Variants in C1QTNF12 observed in about 807,000 individuals in gnomAD.
The protein encoded by C1QTNF12 is C1q and TNF related 12.
Under a neutral mutation model 34.3 loss-of-function variants are expected in C1QTNF12, and 39 were observed. The observed-to-expected ratio is 1.14, with a 90% confidence interval of 0.88 to 1.49. The LOEUF is 1.49. C1QTNF12 is among the 40% of genes most tolerant of loss of function. C1QTNF12 has a pLI of 0.00. For missense variants in C1QTNF12, 497 were observed against 424.7 expected (o/e 1.17, Z -1.50); for synonymous variants, 220 against 196.9 (o/e 1.12, Z -0.98).
rs138029057 is a variant in C1QTNF12 at position 1,244,228 on chromosome 1, C to T, written c.342G>A (p.Ala114=). The change falls in exon 3 of 8, where the codon GCG becomes GCA. Residue 114 remains alanine, a synonymous_variant. Transcript: ENST00000330388. ...CCTGAAACTCGTGAAGCAGAGTCTC[C>T]GCGGTCACTTCTGCACCTGGAGGTC... ...PPGPPGAEVT[A]ETLLHEFQEL... is the part of the protein sequence containing the mutation. 1.9e-6 allele frequency: 3 copies of T among 1,597,684 alleles called. No individual in the cohort carries two copies. The highest frequency in any genetic ancestry group is 2.6e-6 in the Non-Finnish European group (3 of 1,172,282).
At chr1:1,243,328 G>T in intron 5 of C1QTNF12, 116 bp downstream of exon 5, 3 of 1,101,546 alleles carry the variant, frequency 2.7e-6, no homozygotes, top group Non-Finnish European at 3.9e-6. Context: ...GGCCCCCCAT[G>T]GGGCAGGGGA....
upstream of C1QTNF12, among the ~76,000 whole-genome samples, chr1:1,246,952 C>T (rs990489074): frequency 2.0e-4 from 31 of 152,144 alleles, no homozygotes; most frequent in Non-Finnish European, 4.0e-4. This position sits in a 1 kb window ranked among gnomAD's most constrained non-coding sequence, Gnocchi z 4.5. Context: ...CCCCTCGCCT[C>T]CTCCTCCCCA....
intron 5 of C1QTNF12, 120 bp from the exon 6 acceptor site, chr1:1,243,272 G>C: frequency 2.0e-6 from 2 of 1,004,428 alleles, no homozygotes; most frequent in Non-Finnish European, 2.9e-6. Flanking sequence ...CTGGGGAGGG[G>C]GCGCCTGAGG....
chr1:1,244,469 G>T lies in C1QTNF12; in HGVS notation c.206C>A (p.Ser69Tyr), dbSNP rs1480740447. The T allele has an allele frequency of 6.2e-7, 1 of 1,611,748 alleles. No homozygotes were observed. Among genetic ancestry groups the T allele is most frequent in the African/African-American group, 1.3e-5 (1 of 74,856 alleles). ...KPSQASGPEF[S>Y]DAHMTWLNFV... ...GTTCAGCCATGTCATGTGGGCGTCG[G>T]AGAACTCAGGTCCTGAGGCCTGGGA... is the stretch of plus-strand genomic sequence containing the variant. Residue 69 changes from serine to tyrosine, a missense_variant, in exon 2 of 8, where the codon TCC becomes TAC. Coordinates refer to ENST00000330388, the MANE Select transcript of C1QTNF12 (RefSeq NM_001014980.3).
At position 1,246,595 on chromosome 1, in the gene C1QTNF12, C is replaced by A. The variant is rs375320865; in HGVS notation, c.96G>T (p.Thr32=). ...GATCTGCGCGCTGGCCAGGCTGCTG[C>A]GTCCTCTGTGCCTCCCGCCGGGCCC... The part of the protein sequence containing the change: ...GVGARREAQR[T]QQPGQRADPP... The change falls in exon 1 of 8, where the codon ACG becomes ACT. Residue 32 remains threonine, a synonymous_variant. Coordinates refer to ENST00000330388, the MANE Select transcript of C1QTNF12 (RefSeq NM_001014980.3). The surrounding 1 kb of genome is among the most constrained non-coding windows in gnomAD (Gnocchi z 4.5). The A allele has an allele frequency of 4.8e-6, 6 of 1,248,384 alleles. No individual in the cohort carries two copies. In the Admixed American group the frequency reaches 1.2e-4, roughly 26 times the overall value. 77.3% of individuals were successfully genotyped at this position (1,248,384 alleles called of 1,614,324 possible).
chr1:1,244,042 CGCAGGCCCGCCCCCTGGGGCAGCA>C lies in C1QTNF12; in HGVS notation c.419_442del (p.Leu140_Leu147del). 6.3e-7 allele frequency: 1 copy of C among 1,598,736 alleles called. No individual in the cohort carries two copies. The highest frequency in any genetic ancestry group is 1.1e-5 in the South Asian group (1 of 89,292). On this transcript the variant is annotated inframe_deletion, in exon 4 of 8. Coordinates refer to ENST00000330388, the MANE Select transcript of C1QTNF12 (RefSeq NM_001014980.3). The stretch of plus-strand genomic sequence containing the variant: ...GCAGTGAAAGGCCTCGCCCACCAGC[CGCAGGCCCGCCCCCTGGGGCAGCA>C]GCGGGTCCAGAAGCCCTGAGAACCG...
At position 1,242,538 on chromosome 1, in the gene C1QTNF12, CT is replaced by C. The variant is rs3835300; in HGVS notation, c.*9del. 0.07 allele frequency: 109,331 copies of C among 1,553,722 alleles called. 4,383 individuals are homozygous for C. The highest frequency in any genetic ancestry group is 0.17 in the East Asian group (7,152 of 41,476). ...CGGCGGCAGCTCCTCGCCAGCCCCC[CT>C]GGGCGCCCTCACGTGCCCAGGAGCA... On this transcript the variant is annotated 3_prime_UTR_variant, in exon 8 of 8. Coordinates refer to ENST00000330388, the MANE Select transcript of C1QTNF12 (RefSeq NM_001014980.3).
At chr1:1,244,606 CAGG>C (rs1258834202) in intron 1 of C1QTNF12, 109 bp from the exon 2 acceptor site, 3 of 865,512 alleles carry the variant, frequency 3.5e-6, no homozygotes, top group African/African-American at 3.4e-5. Context: ...CATCGCCGGC[CAGG>C]AGAAGGACCC....
At chr1:1,245,798 G>A (rs1176502506) in intron 1 of C1QTNF12, among the ~76,000 whole-genome samples, 1 of 152,224 alleles carries the variant, frequency 6.6e-6, no homozygotes, top group African/African-American at 2.4e-5. Context: ...GCCCTCGGGA[G>A]GAGGGAGACC....
Position 1,246,609 on chromosome 1 carries a change from C to G in C1QTNF12, c.82G>C (p.Glu28Gln). The change falls in exon 1 of 8, where the codon GAG becomes CAG. Residue 28 changes from glutamate to glutamine, a missense_variant. Glu to Gln is a conservative substitution (Grantham distance 29). Coordinates refer to ENST00000330388, the MANE Select transcript of C1QTNF12 (RefSeq NM_001014980.3). The surrounding 1 kb of genome is among the most constrained non-coding windows in gnomAD (Gnocchi z 4.5). ...VLLGGVGARR[E>Q]AQRTQQPGQR... The stretch of plus-strand genomic sequence containing the variant: ...CCAGGCTGCTGCGTCCTCTGTGCCT[C>G]CCGCCGGGCCCCGACGCCCCCGAGG... 1 of 1,245,562 alleles carries G rather than the reference C, an allele frequency of 8.0e-7. No homozygotes were observed. Among genetic ancestry groups the G allele is most frequent in the South Asian group, 3.5e-5 (1 of 28,826 alleles). 77.2% of individuals were successfully genotyped at this position (1,245,562 alleles called of 1,614,324 possible).
upstream of C1QTNF12, chr1:1,246,797 G>T: frequency 2.4e-6 from 2 of 829,786 alleles, no homozygotes; most frequent in Non-Finnish European, 3.1e-6. This position sits in a 1 kb window ranked among gnomAD's most constrained non-coding sequence, Gnocchi z 4.5. Context: ...CCAGGGGCGC[G>T]CCCGGCCTCC....
Position 1,243,495 on chromosome 1 carries a change from A to G in C1QTNF12, c.589T>C (p.Phe197Leu). The G allele has an allele frequency of 1.3e-6, 2 of 1,560,250 alleles. No homozygotes were observed. Among genetic ancestry groups the G allele is most frequent in the Non-Finnish European group, 8.7e-7 (1 of 1,152,148 alleles). The stretch of plus-strand genomic sequence containing the variant: ...AAGATGCCGGACACGGGGGCCGTGA[A>G]CCGACCCGAGGCCAGGCTCAGACCG... The part of the protein sequence containing the change: ...GSGLSLASGR[F>L]TAPVSGIFQF... The change falls in exon 5 of 8, where the codon TTC becomes CTC. Residue 197 changes from phenylalanine to leucine, a missense_variant. By Grantham distance (22) the Phe-to-Leu change is conservative. Coordinates refer to ENST00000330388, the MANE Select transcript of C1QTNF12 (RefSeq NM_001014980.3).
chr1:1,246,941 TCC>T (rs1396249758), upstream of C1QTNF12, among the ~76,000 whole-genome samples: 3 of 150,650 alleles, frequency 2.0e-5, no homozygotes, highest in Non-Finnish European at 4.4e-5. The surrounding 1 kb of genome is among the most constrained non-coding windows in gnomAD (Gnocchi z 4.5). Flanking sequence ...CAGTAAATCC[TCC>T]CCTCGCCTCC....
chr1:1,246,463 C>T lies in C1QTNF12; in HGVS notation c.177+51G>A, dbSNP rs1463777727. On this transcript the variant is annotated intron_variant, in intron 1 of 7. Transcript: ENST00000330388. The surrounding 1 kb of genome is among the most constrained non-coding windows in gnomAD (Gnocchi z 4.5). ...CTGCTGGGGGAGGACGCCCCAGAGCCCCAGCTCCGAAGCTGCCCCGCGAGG... is the reference window on the plus strand; with the variant it reads ...CTGCTGGGGGAGGACGCCCCAGAGCTCCAGCTCCGAAGCTGCCCCGCGAGG... 2 of 1,222,038 alleles carry T rather than the reference C, an allele frequency of 1.6e-6. No individual in the cohort carries two copies. The highest frequency in any genetic ancestry group is 1.6e-5 in the African/African-American group (1 of 64,090). 75.7% of individuals were successfully genotyped at this position (1,222,038 alleles called of 1,614,324 possible). A position where few individuals can be genotyped will look rare whatever the true frequency, so the allele number is the denominator to read the frequency against.
Position 1,246,716 on chromosome 1 carries a change from C to T in C1QTNF12, c.-26G>A. 5 of 1,214,996 alleles carry T rather than the reference C, an allele frequency of 4.1e-6. No homozygotes were observed. Among genetic ancestry groups the T allele is most frequent in the Non-Finnish European group, 5.1e-6 (5 of 977,040 alleles). The allele number at this position is 1,214,996 out of a possible 1,614,324, so 75.3% of individuals were successfully genotyped here. ...GGCTCCGTCCCGAGGCGGCTCAGCG[C>T]GGCGAGTCTCGGCGCCAGGGCGCAG... On this transcript the variant is annotated 5_prime_UTR_variant, in exon 1 of 8. Transcript: ENST00000330388. The surrounding 1 kb of genome is among the most constrained non-coding windows in gnomAD (Gnocchi z 4.5).
chr1:1,243,695 G>T, intron 4 of C1QTNF12, 143 bp from the exon 5 acceptor site: 1 of 817,626 alleles, frequency 1.2e-6, no homozygotes, highest in Non-Finnish European at 1.9e-6. Context: ...GGCACCAGCA[G>T]GACTGACCCT....
rs202082636 is a variant in C1QTNF12 at position 1,243,079 on chromosome 1, G to A, written c.714C>T (p.Ser238=). Residue 238 remains serine (S), a synonymous_variant, in exon 6 of 8, where the codon TCC becomes TCT. Transcript: ENST00000330388. Reference sequence around the variant, plus strand: ...TCACTCACGTGTGGCGCTGGCACAGGGACTCAATACAGATGAGAACACACA... The same window carrying A: ...TCACTCACGTGTGGCGCTGGCACAGAGACTCAATACAGATGAGAACACACA... ...DVVCVLICIE[S]LCQRHTCLEA... 6.3e-7 allele frequency: 1 copy of A among 1,586,070 alleles called. No individual in the cohort carries two copies. Among genetic ancestry groups the A allele is most frequent in the Non-Finnish European group, 8.6e-7 (1 of 1,167,044 alleles).
In C1QTNF12 at chr1:1,243,318, G is replaced by A. The variant is rs1005163371; in HGVS notation, c.640+126C>T. On this transcript the variant is annotated intron_variant, in intron 5 of 7. Coordinates refer to ENST00000330388, the MANE Select transcript of C1QTNF12 (RefSeq NM_001014980.3). ...AGCAGGGACCCCATGCCCAGTCCAA[G>A]GCCCCCCATGGGGCAGGGGATAGGT... is the stretch of plus-strand genomic sequence containing the variant. The A allele has an allele frequency of 1.1e-5, 12 of 1,053,784 alleles. No homozygotes were observed. The South Asian group carries it at 1.9e-4, about 16-fold the overall frequency. 65.3% of individuals were successfully genotyped at this position (1,053,784 alleles called of 1,614,324 possible). A position where few individuals can be genotyped will look rare whatever the true frequency, so the allele number is the denominator to read the frequency against.
chr1:1,247,147 A>C (rs998625271), upstream of C1QTNF12, among the ~76,000 whole-genome samples: 7 of 151,952 alleles, frequency 4.6e-5, no homozygotes, highest in Non-Finnish European at 8.8e-5. Context: ...CATTCTGGGA[A>C]CCGTGAAGAC....
Sources: allele counts gnomAD v4.1 joint callset (sites outside exome capture counted in the v4.1 genomes callset), GRCh38; gene constraint gnomAD v4.1.1; non-coding constraint Gnocchi (gnomAD v3.1); transcripts MANE v1.5; gene names NCBI Gene and HGNC (gene_info 2026-07-23, HGNC 2026-07-21).